Variants in MBD5 observed in about 807,000 individuals in gnomAD.
The protein encoded by MBD5 is methyl-CpG-binding domain protein 5.
In MBD5, 13 loss-of-function variants were observed where a neutral mutation model predicts 117.3. The observed-to-expected ratio is 0.11, with a 90% CI of 0.07 to 0.18. The LOEUF (loss-of-function observed/expected upper bound fraction) is 0.18, where lower values mean the gene tolerates loss of function less well. Ranked by LOEUF, MBD5 falls within the 10% of genes least tolerant of loss-of-function variation. MBD5 has a pLI of 1.00. For missense variants in MBD5, 1,879 were observed against 2,093.8 expected (o/e 0.90, Z 2.00); for synonymous variants, 727 against 766.4 (o/e 0.95, Z 0.85).
At chr2:148,330,261 T>G (rs1171840478) in intron 3 of MBD5, among the ~76,000 whole-genome samples, 1 of 152,094 alleles carries the variant, frequency 6.6e-6, no homozygotes, top group Non-Finnish European at 1.5e-5. Context: ...TTGAGCATCA[T>G]TGGCCCTGAT....
At chr2:148,257,883 A>G (rs976820425) in intron 3 of MBD5, among the ~76,000 whole-genome samples, 58 of 152,286 alleles carry the variant, frequency 3.8e-4, no homozygotes, top group African/African-American at 1.2e-3. Flanking sequence ...CCATCATCAA[A>G]CAGTCCATCA....
chr2:148,336,545 C>A (rs929757844), intron 3 of MBD5, among the ~76,000 whole-genome samples: 1 of 152,080 alleles, frequency 6.6e-6, no homozygotes, highest in Non-Finnish European at 1.5e-5. Flanking sequence ...CACCACCACA[C>A]GCGGCAAATT....
intron 13 of MBD5, among the ~76,000 whole-genome samples, chr2:148,511,648 C>T (rs1682217385): frequency 2.2e-5 from 3 of 137,420 alleles, no homozygotes; most frequent in Admixed American, 1.3e-4. Flanking sequence ...AATACCATTT[C>T]AGCCACATTT....
chr2:148,180,360 A>G (rs920985870), intron 2 of MBD5, among the ~76,000 whole-genome samples: 1 of 118,766 alleles, frequency 8.4e-6, no homozygotes, highest in African/African-American at 2.8e-5. Context: ...ATATATATAT[A>G]TGTATATATG....
chr2:148,282,527 G>C (rs1701271260), intron 3 of MBD5, among the ~76,000 whole-genome samples: 1 of 137,754 alleles, frequency 7.3e-6, no homozygotes. Context: ...AACTCATGTT[G>C]TTCAAGGTTA....
intron 3 of MBD5, among the ~76,000 whole-genome samples, chr2:148,321,608 A>G (rs985801007): frequency 7.9e-5 from 12 of 152,212 alleles, no homozygotes; most frequent in Non-Finnish European, 1.5e-4. Flanking sequence ...ACATCTATCA[A>G]TCAATCACAA....
chr2:148,279,258 C>T (rs530823458), intron 3 of MBD5, among the ~76,000 whole-genome samples: 1 of 152,116 alleles, frequency 6.6e-6, no homozygotes, highest in South Asian at 2.1e-4. Context: ...AGTGAGATCC[C>T]ATTTCTTAAA....
chr2:148,056,067 T>C (rs1276030178), intron 1 of MBD5: 1 of 152,222 alleles, frequency 6.6e-6, no homozygotes, highest in Admixed American at 6.5e-5. Flanking sequence ...TACTCTACTT[T>C]AACGTCTCTC....
At chr2:148,239,560 G>T (rs1453575355) in intron 3 of MBD5, among the ~76,000 whole-genome samples, 1 of 152,042 alleles carries the variant, frequency 6.6e-6, no homozygotes, top group Non-Finnish European at 1.5e-5. Context: ...TTATGGGTAA[G>T]AAATTAAGAA....
intron 4 of MBD5, among the ~76,000 whole-genome samples, chr2:148,366,946 T>C (rs1326570131): frequency 1.3e-5 from 2 of 152,102 alleles, no homozygotes; most frequent in Non-Finnish European, 2.9e-5. Flanking sequence ...TAAGCTACCA[T>C]TGACTTTCCT....
intron 10 of MBD5, among the ~76,000 whole-genome samples, chr2:148,487,725 A>G (rs1347445104): frequency 2.6e-5 from 4 of 152,014 alleles, no homozygotes; most frequent in African/African-American, 7.3e-5. Context: ...AAAGAAGTAG[A>G]TTTTAGCTGT....
In MBD5 at chr2:148,489,906, C is replaced by T. The variant is rs114212251; in HGVS notation, c.4274C>T (p.Thr1425Ile). 5 of 1,614,060 alleles carry T rather than the reference C, an allele frequency of 3.1e-6. No individual in the cohort carries two copies. The South Asian group carries it at 4.4e-5, about 14-fold the overall frequency. ...TATTTCAAGTCAGCAAGTTGCCACA[C>T]ATCCAAAAAACAGTGGGACGGGGAG... The part of the protein sequence containing the change: ...FEYFKSASCH[T>I]SKKQWDGEQS... Residue 1425 changes from threonine to isoleucine, a missense_variant, in exon 11 of 14, where the codon ACA (threonine) becomes ATA (isoleucine). Coordinates refer to ENST00000642680, the MANE Select transcript of MBD5 (RefSeq NM_001378120.1).
chr2:148,043,582 T>G (rs1224968935), intron 1 of MBD5, among the ~76,000 whole-genome samples: 1 of 152,224 alleles, frequency 6.6e-6, no homozygotes, highest in Non-Finnish European at 1.5e-5. Context: ...TGAGAATCAC[T>G]GCTCTAGAGC....
chr2:148,324,211 T>G (rs1163660788), intron 3 of MBD5, among the ~76,000 whole-genome samples: 4 of 152,170 alleles, frequency 2.6e-5, no homozygotes, highest in Admixed American at 2.6e-4. Context: ...TATCTCTGTT[T>G]TGGTACCAGT....
intron 4 of MBD5, among the ~76,000 whole-genome samples, chr2:148,457,583 G>A (rs1053026866): frequency 1.1e-4 from 16 of 151,872 alleles, no homozygotes; most frequent in African/African-American, 2.9e-4. Flanking sequence ...ACTGAATAAG[G>A]GAATTAAAAG....
chr2:148,125,398 A>G (rs926704032), intron 1 of MBD5, among the ~76,000 whole-genome samples: 1 of 152,328 alleles, frequency 6.6e-6, no homozygotes, highest in Non-Finnish European at 1.5e-5. Context: ...TACAAGCTAA[A>G]TTACTATTAA....
At chr2:148,337,039 T>C (rs1702814858) in intron 3 of MBD5, among the ~76,000 whole-genome samples, 1 of 152,176 alleles carries the variant, frequency 6.6e-6, no homozygotes, top group Non-Finnish European at 1.5e-5. Context: ...ACTTTTCACA[T>C]GCTCTGCCAC....
intron 3 of MBD5, among the ~76,000 whole-genome samples, chr2:148,273,296 A>G (rs936650539): frequency 6.6e-6 from 1 of 152,074 alleles, no homozygotes; most frequent in Non-Finnish European, 1.5e-5. Context: ...CCTGAAGCTA[A>G]CCCCCACTTT....
chr2:148,396,763 C>T (rs1704727859), intron 4 of MBD5, among the ~76,000 whole-genome samples: 1 of 152,186 alleles, frequency 6.6e-6, no homozygotes, highest in African/African-American at 2.4e-5. Flanking sequence ...TACAGGGTTG[C>T]CACAGGTTAG....
Sources: gnomAD v4.1 joint callset for allele counts (sites outside exome capture counted in the v4.1 genomes callset) on GRCh38, gnomAD v4.1.1 for gene constraint, MANE v1.5 for transcripts, NCBI Gene and HGNC (gene_info 2026-07-23, HGNC 2026-07-21) for gene names.